The following NLRP1 variants were observed in gnomAD, a reference collection of about 807,000 sequenced individuals.
NLRP1 encodes the protein NLR family pyrin domain containing 1.
NLRP1 carries 94 observed loss-of-function variants against 136.7 expected under a neutral mutation model. The observed-to-expected ratio is 0.69, with a 90% CI of 0.58 to 0.82. The LOEUF (loss-of-function observed/expected upper bound fraction) is 0.82, where lower values mean the gene tolerates loss of function less well. Among genes scored for constraint, NLRP1 ranks in the 40% least tolerant of loss-of-function variants. The pLI is 0.00. For missense variants in NLRP1, 1,575 were observed against 1,802.7 expected (o/e 0.87, Z 2.29); for synonymous variants, 690 against 725.1 (o/e 0.95, Z 0.78).
At chr17:5,512,443 C>A, downstream of NLRP1, 7 of 788,272 alleles carry the variant, frequency 8.9e-6, no homozygotes, top group South Asian at 1.0e-4. Flanking sequence ...CGCAATTCCA[C>A]GACCAGGTTT....
rs1316605358 is a variant in NLRP1, at chr17:5,514,767, G to A, written c.4409C>T (p.Pro1470Leu). ...GGTGTTGATACTTCAGCTGCTGAGT[G>A]GCAGGAGTCCCTTTTTGCTGCCCTT... ...WEKGSKKGLLPLSS is the reference protein window; with the variant it reads ...WEKGSKKGLLLLSS The change falls in exon 17 of 17, where the codon CCA becomes CTA. Residue 1470 changes from proline (P) to leucine (L), a missense_variant. Pro to Leu is a moderately conservative substitution (Grantham distance 98). Transcript: ENST00000572272. The A allele has an allele frequency of 6.2e-7, 1 of 1,613,954 alleles. No homozygotes were observed. The highest frequency in any genetic ancestry group is 8.5e-7 in the Non-Finnish European group (1 of 1,179,920).
chr17:5,522,186 G>T (rs776923388), intron 12 of NLRP1, among the ~76,000 whole-genome samples: 19 of 152,236 alleles, frequency 1.2e-4, no homozygotes, highest in Admixed American at 2.6e-4. Context: ...AGGATCCCAG[G>T]GCTTAGGCTC....
chr17:5,556,460 C>G lies in NLRP1; in HGVS notation c.2357+1879G>C, dbSNP rs1487919397. Reference sequence around the variant, plus strand: ...CAGAGCGAGACTCCGTCTCAGACAACAACAAACCAAAAAAAAAAAAAAATA... The same window carrying G: ...CAGAGCGAGACTCCGTCTCAGACAAGAACAAACCAAAAAAAAAAAAAAATA... On this transcript the variant is annotated intron_variant, in intron 4 of 16. Coordinates refer to ENST00000572272, the MANE Select transcript of NLRP1 (RefSeq NM_033004.4). Among the ~76,000 whole-genome samples the G allele has an allele frequency of 7.2e-5, 7 of 96,896 alleles. No homozygotes were observed. In the East Asian group the frequency reaches 2.1e-3, roughly 29 times the overall value. 63.6% of individuals were successfully genotyped at this position (96,896 alleles called of 152,430 possible).
chr17:5,555,351 G>T (rs1187041572), intron 4 of NLRP1, among the ~76,000 whole-genome samples: 2 of 151,706 alleles, frequency 1.3e-5, no homozygotes, highest in African/African-American at 4.8e-5. Flanking sequence ...GAACTTTCTT[G>T]TTTTTTTTAT....
intron 14 of NLRP1, 140 bp from the exon 15 acceptor site, chr17:5,518,027 A>G: frequency 1.3e-6 from 1 of 757,278 alleles, no homozygotes; most frequent in Non-Finnish European, 2.1e-6. Context: ...TCACCTTCAG[A>G]CATTGCTCTT....
chr17:5,501,890 C>G (rs750948631), intron 15 of NLRP1: 1 of 1,611,698 alleles, frequency 6.2e-7, no homozygotes, highest in Admixed American at 1.7e-5. Context: ...GGAGGGAGAA[C>G]AATCACTTGG....
intron 5 of NLRP1, among the ~76,000 whole-genome samples, chr17:5,545,535 GACAC>G (rs58646953): frequency 0.16 from 20,128 of 129,834 alleles, 2,732 homozygotes; most frequent in East Asian, 0.72. Context: ...CACAGACACA[GACAC>G]ACACACAGAC....
At chr17:5,533,238 C>T (rs1357849554) in intron 10 of NLRP1, 66 bp downstream of exon 10, 30 of 1,549,596 alleles carry the variant, frequency 1.9e-5, no homozygotes, top group Non-Finnish European at 2.5e-5. Context: ...CCAGCATGCC[C>T]AGGTGGGCAG....
intron 3 of NLRP1, among the ~76,000 whole-genome samples, chr17:5,564,732 G>GTTT (rs1915136603): frequency 1.1e-5 from 1 of 90,918 alleles, no homozygotes. Flanking sequence ...TCAATTTTTA[G>GTTT]TGTTTTTTTT....
chr17:5,567,804 A>C (rs554484132), intron 3 of NLRP1, among the ~76,000 whole-genome samples: 1 of 152,172 alleles, frequency 6.6e-6, no homozygotes, highest in Non-Finnish European at 1.5e-5. Context: ...TTTCTCCTTC[A>C]TGTTTGAAAG....
At chr17:5,577,860 T>C (rs1184240384) in intron 3 of NLRP1, among the ~76,000 whole-genome samples, 2 of 152,178 alleles carry the variant, frequency 1.3e-5, no homozygotes, top group Non-Finnish European at 2.9e-5. Context: ...CTTCAAACTA[T>C]ACTACAAGGC....
intron 3 of NLRP1, among the ~76,000 whole-genome samples, chr17:5,567,359 G>A (rs1915451497): frequency 6.6e-6 from 1 of 151,876 alleles, no homozygotes; most frequent in South Asian, 2.1e-4. Context: ...TTACCATGAG[G>A]CTTGCAAATA....
intron 3 of NLRP1, among the ~76,000 whole-genome samples, chr17:5,572,649 G>C (rs1301111316): frequency 6.7e-6 from 1 of 150,322 alleles, no homozygotes; most frequent in Non-Finnish European, 1.5e-5. Flanking sequence ...GGTGGAGGTT[G>C]CAATGAGCAG....
At chr17:5,572,086 A>G (rs1904426499) in intron 3 of NLRP1, among the ~76,000 whole-genome samples, 1 of 152,248 alleles carries the variant, frequency 6.6e-6, no homozygotes, top group South Asian at 2.1e-4. Context: ...GATACTATAT[A>G]CAAAGATCAA....
rs777492180 is a variant in NLRP1 at position 5,559,933 on chromosome 17, A to G, written c.763T>C (p.Trp255Arg). Residue 255 changes from tryptophan (W) to arginine (R), a missense_variant, in exon 4 of 17, where the codon TGG (tryptophan) becomes CGG (arginine). By Grantham distance (101) the Trp-to-Arg change is moderately radical. Transcript: ENST00000572272. ...HTSLQPHHHP[W>R]EPSVRESLCS... is the part of the protein sequence containing the mutation. ...AGGCTCTCTCTCACAGAAGGCTCCC[A>G]TGGGTGGTGGTGGGGCTGTAGGCTG... is the stretch of plus-strand genomic sequence containing the variant. The G allele has an allele frequency of 1.9e-6, 3 of 1,614,074 alleles. No individual in the cohort carries two copies. The highest frequency in any genetic ancestry group is 2.5e-6 in the Non-Finnish European group (3 of 1,180,036).
At chr17:5,538,366 C>A (rs1306818282) in intron 7 of NLRP1, among the ~76,000 whole-genome samples, 1 of 152,100 alleles carries the variant, frequency 6.6e-6, no homozygotes, top group Non-Finnish European at 1.5e-5. Context: ...TTCTCCGGGG[C>A]TCAAGTGCCT....
intron 15 of NLRP1, among the ~76,000 whole-genome samples, chr17:5,516,597 A>T (rs961654698): frequency 6.6e-6 from 1 of 152,280 alleles, no homozygotes; most frequent in Non-Finnish European, 1.5e-5. Flanking sequence ...TTACTGCATG[A>T]GGCATGTATA....
intron 3 of NLRP1, among the ~76,000 whole-genome samples, chr17:5,564,009 A>G (rs1389477381): frequency 6.6e-6 from 1 of 152,140 alleles, no homozygotes; most frequent in Non-Finnish European, 1.5e-5. Context: ...AAAGAAAAGA[A>G]ATTCCAGCCA....
exon 16 of NLRP1, chr17:5,501,509 C>T (rs903062246): frequency 3.3e-5 from 8 of 241,072 alleles, no homozygotes; most frequent in Admixed American, 2.5e-4. Flanking sequence ...ATAAAGCCTC[C>T]CACAATCCCA....
Sources: gnomAD v4.1 joint callset for allele counts (sites outside exome capture counted in the v4.1 genomes callset) on GRCh38, gnomAD v4.1.1 for gene constraint, MANE v1.5 for transcripts, NCBI Gene and HGNC (gene_info 2026-07-23, HGNC 2026-07-21) for gene names.